The following RASAL2 variants were observed in gnomAD, a reference collection of about 807,000 sequenced individuals.
RASAL2 encodes ras GTPase-activating protein nGAP.
In RASAL2, 58 loss-of-function variants were observed where a neutral mutation model predicts 128.9. The observed-to-expected ratio is 0.45, with a 90% CI of 0.36 to 0.56. RASAL2 has a LOEUF of 0.56. RASAL2 is among the 20% of genes least tolerant of loss of function. The pLI, the probability that RASAL2 is intolerant of heterozygous loss-of-function variation, is 0.00. For synonymous variants in RASAL2, 561 were observed against 580.8 expected (o/e 0.97, Z 0.49); for missense variants, 1,360 against 1,601.6 (o/e 0.85, Z 2.57).
chr1:178,458,377 C>G lies in RASAL2; in HGVS notation c.3085C>G (p.Leu1029Val), dbSNP rs778477008. 16 of 1,614,224 alleles carry G rather than the reference C, an allele frequency of 9.9e-6. No homozygotes were observed. The highest frequency in any genetic ancestry group is 1.4e-5 in the Non-Finnish European group (16 of 1,180,038). ...LGARAKAPPS[L>V]PHSASLRSTG... ...TGCCCGAGCCAAAGCCCCACCATCC[C>G]TGCCACACAGTGCTTCTTTACGTAG... is the stretch of plus-strand genomic sequence containing the variant. The change falls in exon 14 of 18, where the codon CTG becomes GTG. Residue 1029 changes from leucine to valine, a missense_variant. By Grantham distance (32) the Leu-to-Val change is conservative. Transcript: ENST00000367649.
chr1:178,432,338 A>G (rs764130894), intron 5 of RASAL2, among the ~76,000 whole-genome samples: 31 of 151,996 alleles, frequency 2.0e-4, no homozygotes, highest in Admixed American at 6.6e-4. Flanking sequence ...TCTAAATTCA[A>G]TTCCCAAATT....
intron 2 of RASAL2, among the ~76,000 whole-genome samples, chr1:178,292,990 A>C (rs1667346679): frequency 6.6e-6 from 1 of 152,222 alleles, no homozygotes; most frequent in African/African-American, 2.4e-5. Context: ...AGATATGTTG[A>C]TGAAAATATC....
At chr1:178,211,400 A>G (rs1287769615) in intron 1 of RASAL2, among the ~76,000 whole-genome samples, 1 of 152,168 alleles carries the variant, frequency 6.6e-6, no homozygotes, top group African/African-American at 2.4e-5. Flanking sequence ...AAAAAGCACA[A>G]ACATGATCAC....
intron 4 of RASAL2, among the ~76,000 whole-genome samples, chr1:178,402,085 CACAAA>C (rs1266257281): frequency 6.6e-6 from 1 of 152,104 alleles, no homozygotes; most frequent in African/African-American, 2.4e-5. Context: ...TGAAATATTA[CACAAA>C]TATTTTAAGA....
At chr1:178,234,298 T>A (rs1253852255) in intron 1 of RASAL2, among the ~76,000 whole-genome samples, 1 of 152,200 alleles carries the variant, frequency 6.6e-6, no homozygotes, top group Non-Finnish European at 1.5e-5. Context: ...ACATTATTTT[T>A]AAATTAATGT....
intron 3 of RASAL2, among the ~76,000 whole-genome samples, chr1:178,310,359 A>G (rs1668183136): frequency 6.6e-6 from 1 of 152,204 alleles, no homozygotes; most frequent in Non-Finnish European, 1.5e-5. Flanking sequence ...CCCATTAGAA[A>G]GAAGTTTGCA....
intron 2 of RASAL2, among the ~76,000 whole-genome samples, chr1:178,295,257 CAAAA>C (rs1006848274): frequency 2.2e-5 from 3 of 138,456 alleles, no homozygotes; most frequent in African/African-American, 5.3e-5. Flanking sequence ...AAAAAAAAAA[CAAAA>C]AAAAACCAGG....
chr1:178,109,721 T>C (rs1659226171), intron 1 of RASAL2, among the ~76,000 whole-genome samples: 1 of 152,152 alleles, frequency 6.6e-6, no homozygotes, highest in Non-Finnish European at 1.5e-5. Flanking sequence ...TCATATATCT[T>C]TTTAGAAACC....
chr1:178,358,237 TAA>T (rs71567191), intron 3 of RASAL2, among the ~76,000 whole-genome samples: 20 of 34,760 alleles, frequency 5.8e-4, no homozygotes, highest in East Asian at 1.2e-3. Flanking sequence ...CTCTGTCTCC[TAA>T]AAAAAAAAAA....
intron 1 of RASAL2, among the ~76,000 whole-genome samples, chr1:178,143,770 C>A (rs1571539475): frequency 6.8e-6 from 1 of 146,012 alleles, no homozygotes. Context: ...TTTTTTTTGA[C>A]AAGTAGAATA....
At chr1:178,349,653 A>T (rs1670356068) in intron 3 of RASAL2, among the ~76,000 whole-genome samples, 1 of 151,914 alleles carries the variant, frequency 6.6e-6, no homozygotes, top group Admixed American at 6.6e-5. Context: ...ATTTTATAAT[A>T]GTAATATATA....
At chr1:178,451,232 G>A (rs970253405) in intron 9 of RASAL2, among the ~76,000 whole-genome samples, 2 of 152,084 alleles carry the variant, frequency 1.3e-5, no homozygotes, top group Non-Finnish European at 2.9e-5. Flanking sequence ...TAAGTAGAGC[G>A]AGCCTTAAAA....
chr1:178,366,891 A>G (rs968488790), intron 3 of RASAL2, among the ~76,000 whole-genome samples: 1 of 152,110 alleles, frequency 6.6e-6, no homozygotes. Flanking sequence ...CAAAACTTAG[A>G]TGAGTATTTG....
At chr1:178,256,086 T>C (rs1665329692) in intron 1 of RASAL2, among the ~76,000 whole-genome samples, 1 of 152,186 alleles carries the variant, frequency 6.6e-6, no homozygotes, top group South Asian at 2.1e-4. Context: ...GGAATCCTCT[T>C]ATTAGAAATA....
chr1:178,277,601 G>C (rs1223268875), intron 1 of RASAL2, among the ~76,000 whole-genome samples: 3 of 152,220 alleles, frequency 2.0e-5, no homozygotes, highest in Admixed American at 2.0e-4. Flanking sequence ...TTCTAAGCCA[G>C]GTTAGCTGTG....
intron 4 of RASAL2, among the ~76,000 whole-genome samples, chr1:178,396,332 C>G (rs1171591178): frequency 6.6e-6 from 1 of 152,064 alleles, no homozygotes; most frequent in East Asian, 1.9e-4. Context: ...CCCTTTTCCT[C>G]TCAAAGCAAA....
At chr1:178,324,906 C>G (rs1339861906) in intron 3 of RASAL2, among the ~76,000 whole-genome samples, 1 of 152,116 alleles carries the variant, frequency 6.6e-6, no homozygotes, top group East Asian at 1.9e-4. Context: ...GTTATGACCC[C>G]CTTGGCACCC....
At chr1:178,294,297 C>T (rs1263798071) in intron 2 of RASAL2, among the ~76,000 whole-genome samples, 2 of 152,134 alleles carry the variant, frequency 1.3e-5, no homozygotes, top group Non-Finnish European at 2.9e-5. Flanking sequence ...CCCACCCCCA[C>T]ATACTTCCAT....
At chr1:178,098,815 TAAC>T (rs1428610527) in intron 1 of RASAL2, among the ~76,000 whole-genome samples, 3 of 152,200 alleles carry the variant, frequency 2.0e-5, no homozygotes, top group South Asian at 2.1e-4. Flanking sequence ...TGTTTATTGA[TAAC>T]AACATAGGGA....
Sources: gnomAD v4.1 joint callset for allele counts (sites outside exome capture counted in the v4.1 genomes callset) on GRCh38, gnomAD v4.1.1 for gene constraint, MANE v1.5 for transcripts, NCBI Gene and HGNC (gene_info 2026-07-23, HGNC 2026-07-21) for gene names.